The following INTU variants were observed in gnomAD, a reference collection of about 807,000 sequenced individuals.
INTU encodes the protein inturned planar cell polarity protein, also known as protein inturned.
Under a neutral mutation model 100.5 loss-of-function variants are expected in INTU, and 68 were observed. The ratio of observed to expected loss-of-function variants is 0.68; its 90% CI spans 0.56 to 0.83. INTU has a LOEUF of 0.83. Among genes scored for constraint, INTU ranks in the 40% least tolerant of loss-of-function variants. INTU has a pLI of 0.00. For missense variants in INTU, 1,071 were observed against 1,114.7 expected (o/e 0.96, Z 0.56); for synonymous variants, 357 against 395.7 (o/e 0.90, Z 1.16).
chr4:127,646,280 A>T (rs957108810), intron 2 of INTU, among the ~76,000 whole-genome samples: 1 of 151,906 alleles, frequency 6.6e-6, no homozygotes, highest in African/African-American at 2.4e-5. Context: ...TGGGTCCTCT[A>T]CTTTCCTTCT....
intron 6 of INTU, among the ~76,000 whole-genome samples, chr4:127,682,316 G>T (rs987261061): frequency 6.6e-6 from 1 of 151,968 alleles, no homozygotes; most frequent in Admixed American, 6.6e-5. Flanking sequence ...TATGTTTATT[G>T]CAGCACTATT....
chr4:127,674,248 C>G, intron 6 of INTU, 35 bp downstream of exon 6: 1 of 1,429,720 alleles, frequency 7.0e-7, no homozygotes. Flanking sequence ...AAAATCATTT[C>G]CAAATAATGT....
At position 127,725,039 on chromosome 4, in the gene INTU, A is replaced by C. The variant is rs1444258072; in HGVS notation, c.*8603A>C. ...AGTTGCTCACACCTGTAACTCCAGCACTTTGGAAGGCTGAGGCAGGCAGAT... is the reference window on the plus strand; with the variant it reads ...AGTTGCTCACACCTGTAACTCCAGCCCTTTGGAAGGCTGAGGCAGGCAGAT... On this transcript the variant is annotated 3_prime_UTR_variant, in exon 16 of 16. Coordinates refer to ENST00000335251, the MANE Select transcript of INTU (RefSeq NM_015693.4). The C allele has an allele frequency of 1.3e-5, 2 of 151,462 alleles. No homozygotes were observed. The allele number at this position is 151,462 out of a possible 1,614,324, so 9.4% of individuals were successfully genotyped here.
At chr4:127,677,817 A>C (rs1729300989) in intron 6 of INTU, among the ~76,000 whole-genome samples, 1 of 152,206 alleles carries the variant, frequency 6.6e-6, no homozygotes, top group Non-Finnish European at 1.5e-5. Context: ...TACAGGAGGA[A>C]ATTCAAACCA....
rs187393671 is a variant in INTU, at chr4:127,714,045, G to C, written c.2669G>C (p.Trp890Ser). 915 of 1,613,572 alleles carry C rather than the reference G, an allele frequency of 5.7e-4. 3 individuals are homozygous for C. Among genetic ancestry groups the C allele is most frequent in the South Asian group, 1.7e-3 (154 of 91,038 alleles). The change falls in exon 15 of 16, where the codon TGG becomes TCG. Residue 890 changes from tryptophan (W) to serine (S), a missense_variant. Transcript: ENST00000335251. ...GVLFECSPGN[W>S]TDQKKAPPVM... ...TTGTTTGAATGTTCACCTGGAAACT[G>C]GACTGATCAGAAAAAAGCACCACCA...
intron 3 of INTU, among the ~76,000 whole-genome samples, chr4:127,662,750 A>G (rs1457464243): frequency 6.6e-6 from 1 of 152,142 alleles, no homozygotes; most frequent in African/African-American, 2.4e-5. Flanking sequence ...GACTCTTACC[A>G]ATCTTGACAT....
intron 1 of INTU, among the ~76,000 whole-genome samples, chr4:127,639,920 T>C (rs6534632): frequency 0.56 from 84,955 of 151,836 alleles, 24,190 homozygotes; most frequent in South Asian, 0.69. Flanking sequence ...TGATGCTTAC[T>C]TAACTCGGAA....
chr4:127,659,937 T>C (rs1368297682), intron 3 of INTU, among the ~76,000 whole-genome samples: 1 of 152,196 alleles, frequency 6.6e-6, no homozygotes, highest in Non-Finnish European at 1.5e-5. Context: ...TGTGGAAAAA[T>C]TAGAAAACAA....
At chr4:127,710,099 T>G (rs1731039833) in intron 13 of INTU, among the ~76,000 whole-genome samples, 1 of 152,110 alleles carries the variant, frequency 6.6e-6, no homozygotes, top group Admixed American at 6.6e-5. Context: ...ATATGTATGT[T>G]GTGTTGGCAT....
chr4:127,681,369 T>A (rs2126223686), intron 6 of INTU, among the ~76,000 whole-genome samples: 1 of 152,302 alleles, frequency 6.6e-6, no homozygotes, highest in East Asian at 1.9e-4. Context: ...AAGGCTACAG[T>A]AACCACAACA....
intron 5 of INTU, among the ~76,000 whole-genome samples, chr4:127,671,911 A>G (rs1230665966): frequency 6.6e-6 from 1 of 152,158 alleles, no homozygotes; most frequent in East Asian, 1.9e-4. Flanking sequence ...ACAGAAAGTC[A>G]AATATCACAT....
chr4:127,650,328 T>A (rs1412936347), intron 2 of INTU, among the ~76,000 whole-genome samples: 19 of 150,780 alleles, frequency 1.3e-4, no homozygotes, highest in Non-Finnish European at 2.5e-4. Flanking sequence ...ACCCACTAAC[T>A]CATCATCTAG....
intron 13 of INTU, among the ~76,000 whole-genome samples, chr4:127,709,806 T>C (rs1731028225): frequency 6.6e-6 from 1 of 152,046 alleles, no homozygotes; most frequent in Non-Finnish European, 1.5e-5. Context: ...AATATATGTG[T>C]TACAAAGTTG....
intron 6 of INTU, among the ~76,000 whole-genome samples, chr4:127,682,396 T>C (rs1451198308): frequency 2.0e-5 from 3 of 151,936 alleles, no homozygotes; most frequent in Non-Finnish European, 4.4e-5. Flanking sequence ...AAATGTGGCA[T>C]ATATATACCA....
At chr4:127,653,269 G>A (rs1578545816) in intron 2 of INTU, among the ~76,000 whole-genome samples, 4 of 121,324 alleles carry the variant, frequency 3.3e-5, no homozygotes, top group South Asian at 3.4e-4. Flanking sequence ...GCTAGCTTTT[G>A]AATGTGTTTG....
intron 2 of INTU, among the ~76,000 whole-genome samples, chr4:127,650,934 C>G (rs1727834207): frequency 6.6e-6 from 1 of 152,170 alleles, no homozygotes; most frequent in African/African-American, 2.4e-5. Flanking sequence ...GAGATGGTAT[C>G]TCATTGTGGT....
chr4:127,663,889 T>C (rs566267223), intron 4 of INTU, among the ~76,000 whole-genome samples: 1 of 152,244 alleles, frequency 6.6e-6, no homozygotes, highest in Admixed American at 6.5e-5. Context: ...TTTAGCTTTT[T>C]TTGATATGTT....
intron 6 of INTU, among the ~76,000 whole-genome samples, chr4:127,679,607 C>T (rs1397368259): frequency 3.9e-5 from 6 of 151,924 alleles, no homozygotes; most frequent in East Asian, 1.9e-4. Context: ...CAAAGCAGTG[C>T]ATAGAGGGAA....
In INTU at chr4:127,644,241, G is replaced by A. The variant is rs369774999; in HGVS notation, c.682+185G>A. Among the ~76,000 whole-genome samples the A allele has an allele frequency of 9.2e-5, 14 of 152,290 alleles. No homozygotes were observed. In the East Asian group the frequency reaches 1.5e-3, roughly 17 times the overall value. On this transcript the variant is annotated intron_variant, in intron 2 of 15. Coordinates refer to ENST00000335251, the MANE Select transcript of INTU (RefSeq NM_015693.4). ...CTACAAGGCACAGTGTTCTTAAAAT[G>A]ACCAGTTCAGTGTGTTGAGTATGTG...
Sources: allele counts gnomAD v4.1 joint callset (sites outside exome capture counted in the v4.1 genomes callset), GRCh38; gene constraint gnomAD v4.1.1; transcripts MANE v1.5; gene names NCBI Gene and HGNC (gene_info 2026-07-23, HGNC 2026-07-21).